RASGRF1: variants seen among roughly 807,000 people sequenced by gnomAD.
RASGRF1 encodes the protein ras-specific guanine nucleotide-releasing factor 1.
In RASGRF1, 40 loss-of-function variants were observed where a neutral mutation model predicts 138.7. The ratio of observed to expected loss-of-function variants is 0.29; its 90% CI spans 0.22 to 0.38. The LOEUF is 0.38. Ranked by LOEUF, RASGRF1 falls within the 10% of genes least tolerant of loss-of-function variation. The probability of loss-of-function intolerance (pLI) is 1.00; values close to 1 mark genes in which losing one functional copy is unlikely to be tolerated. For missense variants in RASGRF1, 1,108 were observed against 1,650.4 expected (o/e 0.67, Z 5.69); for synonymous variants, 614 against 663.2 (o/e 0.93, Z 1.14).
chr15:79,053,376 C>T (rs1449537417), intron 3 of RASGRF1, among the ~76,000 whole-genome samples: 1 of 152,192 alleles, frequency 6.6e-6, no homozygotes, highest in East Asian at 1.9e-4. Context: ...GTTCCCGTTC[C>T]AATAAAATAT....
At position 79,090,579 on chromosome 15, in the gene RASGRF1, CCT is replaced by C; in HGVS notation, c.-83_-82del. ...CCCCGTCCGTGCGCGCTGCGCGCTG[CCT>C]CTCTCTGGCGCTCGCTCGCTCGCTC... On this transcript the variant is annotated 5_prime_UTR_variant, in exon 1 of 27. Transcript: ENST00000558480. The C allele has an allele frequency of 6.4e-7, 1 of 1,557,074 alleles. No individual in the cohort carries two copies. The highest frequency in any genetic ancestry group is 1.2e-5 in the South Asian group (1 of 84,218).
At chr15:79,089,087 T>C (rs2058018993) in intron 1 of RASGRF1, among the ~76,000 whole-genome samples, 1 of 152,238 alleles carries the variant, frequency 6.6e-6, no homozygotes, top group Non-Finnish European at 1.5e-5. Flanking sequence ...GTCTGTGTCT[T>C]CATGCAGCAG....
chr15:79,018,608 C>T (rs1308228799), intron 11 of RASGRF1, among the ~76,000 whole-genome samples: 3 of 152,210 alleles, frequency 2.0e-5, no homozygotes, highest in Non-Finnish European at 4.4e-5. Context: ...AGGTGGTTTC[C>T]TTCCCCCTCT....
intron 12 of RASGRF1, among the ~76,000 whole-genome samples, chr15:79,017,467 T>G (rs2056894910): frequency 6.6e-6 from 1 of 152,084 alleles, no homozygotes; most frequent in Non-Finnish European, 1.5e-5. Flanking sequence ...GTCTGCAGGA[T>G]AGTGGGGAAA....
rs774522487 is a variant in RASGRF1, at chr15:79,006,296, G to A, written c.1965C>T (p.Ile655=). The change falls in exon 14 of 27, where the codon ATC becomes ATT. Residue 655 remains isoleucine, a synonymous_variant. Transcript: ENST00000558480. This position sits in a 1 kb window ranked among gnomAD's most constrained non-coding sequence, Gnocchi z 4.0. ...AGTGCAGGAAGGTGTTGAGGAAGTC[G>A]ATGCTCAGGAAGCGCAGGTCCGTCA... ...ERLTDLRFLS[I]DFLNTFLHSY... is the part of the protein sequence containing the mutation. The A allele has an allele frequency of 1.3e-5, 21 of 1,614,084 alleles. No individual in the cohort carries two copies. The highest frequency in any genetic ancestry group is 9.3e-5 in the African/African-American group (7 of 74,914).
chr15:78,998,975 T>G (rs1295520173), intron 17 of RASGRF1, 150 bp from the exon 18 acceptor site: 1 of 643,640 alleles, frequency 1.6e-6, no homozygotes, highest in East Asian at 2.9e-5. Flanking sequence ...TAACAACTAG[T>G]GTCTGACCAA....
At chr15:78,995,828 G>A (rs1595881825) in intron 19 of RASGRF1, 28 bp from the exon 20 acceptor site, 7 of 1,613,048 alleles carry the variant, frequency 4.3e-6, no homozygotes, top group Non-Finnish European at 5.9e-6. Flanking sequence ...GGCACGGTGA[G>A]CCCCACTTCA....
intron 13 of RASGRF1, chr15:79,012,520 T>C (rs1012022133): frequency 5.0e-6 from 8 of 1,613,624 alleles, no homozygotes; most frequent in African/African-American, 1.3e-5. Flanking sequence ...GTCCCCTCCC[T>C]GGTCCTCCTG....
chr15:79,072,267 C>CTT (rs758415767), intron 1 of RASGRF1, among the ~76,000 whole-genome samples: 818 of 61,538 alleles, frequency 0.013, 210 homozygotes, highest in African/African-American at 0.024. Flanking sequence ...GATAAACAAT[C>CTT]TTTTTTTTTT....
At chr15:78,994,209 G>C (rs908406744) in intron 20 of RASGRF1, among the ~76,000 whole-genome samples, 2 of 152,208 alleles carry the variant, frequency 1.3e-5, no homozygotes, top group Admixed American at 6.5e-5. Context: ...GGCCCCAAAG[G>C]GTCAGTCTGG....
At chr15:78,999,017 C>T (rs183402683) in intron 17 of RASGRF1, among the ~76,000 whole-genome samples, 192 bp from the exon 18 acceptor site, 140 of 152,344 alleles carry the variant, frequency 9.2e-4, no homozygotes, top group South Asian at 4.8e-3. Context: ...TCAGTCAACA[C>T]GGTCCATGCA....
chr15:78,979,954 G>A (rs1402254286), intron 24 of RASGRF1, among the ~76,000 whole-genome samples: 2 of 152,230 alleles, frequency 1.3e-5, no homozygotes, highest in African/African-American at 4.8e-5. Flanking sequence ...ACTTGGAGGG[G>A]TGCCATTAGC....
intron 26 of RASGRF1, among the ~76,000 whole-genome samples, chr15:78,964,358 A>G (rs1427305437): frequency 6.6e-6 from 1 of 152,032 alleles, no homozygotes; most frequent in Non-Finnish European, 1.5e-5. Flanking sequence ...TATTATTAGT[A>G]AAGACAGGGT....
chr15:79,002,829 C>T (rs1727709276), intron 15 of RASGRF1, among the ~76,000 whole-genome samples: 1 of 152,188 alleles, frequency 6.6e-6, no homozygotes, highest in Admixed American at 6.5e-5. Context: ...GCTGGGGGTG[C>T]CCTCTGCCTT....
At chr15:79,068,581 T>C (rs149040528) in intron 1 of RASGRF1, among the ~76,000 whole-genome samples, 113 of 148,684 alleles carry the variant, frequency 7.6e-4, no homozygotes, top group African/African-American at 2.0e-3. Flanking sequence ...CATATATATA[T>C]ACATACATAT....
intron 20 of RASGRF1, among the ~76,000 whole-genome samples, chr15:78,992,279 G>A (rs866902232): frequency 2.0e-4 from 31 of 152,224 alleles, no homozygotes; most frequent in African/African-American, 6.5e-4. Flanking sequence ...ATTAGCTCCT[G>A]GGATGGCCCT....
In RASGRF1 at chr15:79,032,385, G is replaced by A. The variant is rs2057153560; in HGVS notation, c.959-69C>T. ...GGGGACAGAATCCCCTAGGCCCTTG[G>A]CTCCCCCAGCTACACCCAGAGAGGC... On this transcript the variant is annotated intron_variant, in intron 6 of 26. Coordinates refer to ENST00000558480, the MANE Select transcript of RASGRF1 (RefSeq NM_001145648.3). This position sits in a 1 kb window ranked among gnomAD's most constrained non-coding sequence, Gnocchi z 4.5. 2 of 1,469,566 alleles carry A rather than the reference G, an allele frequency of 1.4e-6. No individual in the cohort carries two copies. Among genetic ancestry groups the A allele is most frequent in the South Asian group, 1.2e-5 (1 of 80,306 alleles). 91.0% of individuals were successfully genotyped at this position (1,469,566 alleles called of 1,614,324 possible).
At chr15:78,976,352 C>T (rs1484007263) in intron 24 of RASGRF1, among the ~76,000 whole-genome samples, 2 of 151,918 alleles carry the variant, frequency 1.3e-5, no homozygotes, top group Non-Finnish European at 2.9e-5. Flanking sequence ...TTGGGCCACA[C>T]GTAAAATACA....
intron 5 of RASGRF1, among the ~76,000 whole-genome samples, chr15:79,037,009 TC>T (rs1383113622): frequency 6.6e-6 from 1 of 152,130 alleles, no homozygotes; most frequent in African/African-American, 2.4e-5. Flanking sequence ...GTCTATCATC[TC>T]CCTAAAGTTC....
Sources: gnomAD v4.1 joint callset for allele counts (sites outside exome capture counted in the v4.1 genomes callset) on GRCh38, gnomAD v4.1.1 for gene constraint, Gnocchi (gnomAD v3.1) non-coding constraint, MANE v1.5 for transcripts, NCBI Gene and HGNC (gene_info 2026-07-23, HGNC 2026-07-21) for gene names.